The following FBXW7 variants were observed in gnomAD, a reference collection of about 807,000 sequenced individuals.
FBXW7 encodes the protein F-box and WD repeat domain containing 7, also known as F-box/WD repeat-containing protein 7.
In FBXW7, 11 loss-of-function variants were observed where a neutral mutation model predicts 86.3. The observed-to-expected ratio is 0.13, with a 90% confidence interval of 0.08 to 0.21. FBXW7 has a LOEUF of 0.21. Among genes scored for constraint, FBXW7 ranks in the 10% least tolerant of loss-of-function variants. The probability of loss-of-function intolerance (pLI) is 1.00; values close to 1 mark genes in which losing one functional copy is unlikely to be tolerated. For missense variants in FBXW7, 488 were observed against 847.4 expected (o/e 0.58, Z 5.27); for synonymous variants, 313 against 297.9 (o/e 1.05, Z -0.52).
intron 2 of FBXW7, among the ~76,000 whole-genome samples, chr4:152,499,351 G>C (rs569831903): frequency 2.0e-5 from 3 of 152,252 alleles, no homozygotes; most frequent in Admixed American, 2.0e-4. Flanking sequence ...TTGTGCCCTA[G>C]CTGCAAGGAA....
chr4:152,355,153 T>G (rs775448378), intron 4 of FBXW7, among the ~76,000 whole-genome samples: 12 of 152,142 alleles, frequency 7.9e-5, no homozygotes, highest in Non-Finnish European at 1.8e-4. Flanking sequence ...TGTGATCTAT[T>G]ATATTACTGT....
At chr4:152,471,249 T>C (rs962871879) in intron 2 of FBXW7, among the ~76,000 whole-genome samples, 1 of 151,744 alleles carries the variant, frequency 6.6e-6, no homozygotes, top group East Asian at 1.9e-4. Context: ...ATAAAGCTTA[T>C]ATAGTGACAA....
At chr4:152,431,320 G>A (rs1739871421) in intron 2 of FBXW7, among the ~76,000 whole-genome samples, 1 of 151,970 alleles carries the variant, frequency 6.6e-6, no homozygotes, top group Non-Finnish European at 1.5e-5. Flanking sequence ...AAGGTAGAAT[G>A]AGAGGTCCTA....
rs999913320 is a variant in FBXW7 at position 152,330,753 on chromosome 4, T to C, written c.1101A>G (p.Arg367=). Residue 367 remains arginine, a synonymous_variant, in exon 9 of 14, where the codon CGA becomes CGG. Coordinates refer to ENST00000281708, the MANE Select transcript of FBXW7 (RefSeq NM_001349798.2). The stretch of plus-strand genomic sequence containing the variant: ...TTACCTTAGGAGATTTGAGTTCTCC[T>C]CGCCTCCAGTTAGTATCAATTCTGT... The part of the protein sequence containing the change: ...RQHRIDTNWR[R]GELKSPKVLK... The C allele has an allele frequency of 1.2e-6, 2 of 1,612,210 alleles. No individual in the cohort carries two copies. The highest frequency in any genetic ancestry group is 1.7e-5 in the Admixed American group (1 of 59,910).
At position 152,535,835 on chromosome 4, in the gene FBXW7, T is replaced by C. The variant is rs868844150; in HGVS notation, c.-921A>G. ...CCGGCTCAGGCTCGGGCTCCGGCTC[T>C]GGCTCCGGCTCCGGCGTGTGCAGCC... On this transcript the variant is annotated 5_prime_UTR_variant, in exon 1 of 14. Coordinates refer to ENST00000281708, the MANE Select transcript of FBXW7 (RefSeq NM_001349798.2). The C allele has an allele frequency of 2.3e-5, 9 of 386,526 alleles. No individual in the cohort carries two copies. Among genetic ancestry groups the C allele is most frequent in the Admixed American group, 1.4e-4 (3 of 22,086 alleles). 23.9% of individuals were successfully genotyped at this position (386,526 alleles called of 1,614,324 possible).
chr4:152,434,962 C>G (rs996130987), intron 2 of FBXW7, among the ~76,000 whole-genome samples: 1 of 150,954 alleles, frequency 6.6e-6, no homozygotes, highest in Admixed American at 6.6e-5. Context: ...CCCCGCTCCC[C>G]CCCCCCCACA....
chr4:152,506,625 A>G (rs1747451145), intron 2 of FBXW7, among the ~76,000 whole-genome samples: 1 of 152,242 alleles, frequency 6.6e-6, no homozygotes, highest in Admixed American at 6.5e-5. Flanking sequence ...AGAGTTAGGT[A>G]AACAGGTAAT....
chr4:152,376,712 T>C (rs1734557027), intron 4 of FBXW7, among the ~76,000 whole-genome samples: 1 of 152,084 alleles, frequency 6.6e-6, no homozygotes, highest in African/African-American at 2.4e-5. Flanking sequence ...TTGGTCATAA[T>C]TGTCAAAAGT....
intron 13 of FBXW7, 39 bp downstream of exon 13, chr4:152,324,145 C>T (rs369287184): frequency 1.1e-5 from 17 of 1,504,846 alleles, no homozygotes; most frequent in Non-Finnish European, 1.5e-5. Context: ...ATAATGATCT[C>T]ATTTTTAATG....
At chr4:152,386,024 C>G (rs1735497458) in intron 4 of FBXW7, among the ~76,000 whole-genome samples, 1 of 151,942 alleles carries the variant, frequency 6.6e-6, no homozygotes, top group African/African-American at 2.4e-5. Context: ...TAGACAAAAA[C>G]CCTAATAAAT....
At chr4:152,396,090 G>A (rs1385970568) in intron 4 of FBXW7, among the ~76,000 whole-genome samples, 1 of 151,716 alleles carries the variant, frequency 6.6e-6, no homozygotes, top group Middle Eastern at 3.2e-3. Context: ...TGGTCCAGAG[G>A]GTTTTCTGCT....
At chr4:152,352,996 A>T (rs186441107) in intron 4 of FBXW7, 1 of 1,260,288 alleles carries the variant, frequency 7.9e-7, no homozygotes, top group East Asian at 3.0e-5. Context: ...TGTGGGCAGC[A>T]GAGACCGCCC....
At chr4:152,424,200 T>C (rs1018007119) in intron 2 of FBXW7, among the ~76,000 whole-genome samples, 4 of 152,088 alleles carry the variant, frequency 2.6e-5, no homozygotes, top group Non-Finnish European at 5.9e-5. Flanking sequence ...TACATTGGGA[T>C]TCGGCAGTAG....
intron 2 of FBXW7, among the ~76,000 whole-genome samples, chr4:152,530,069 ATACACACACAC>A (rs1749880470): frequency 8.5e-6 from 1 of 118,198 alleles, no homozygotes; most frequent in African/African-American, 3.6e-5. Flanking sequence ...AAAAAAAAAA[ATACACACACAC>A]ACACACACAC....
intron 2 of FBXW7, among the ~76,000 whole-genome samples, chr4:152,516,128 A>C (rs1466831371): frequency 6.6e-6 from 1 of 152,226 alleles, no homozygotes; most frequent in African/African-American, 2.4e-5. Flanking sequence ...AACCTGAGGA[A>C]AGACCCAGCT....
At chr4:152,333,085 T>C (rs1421175106) in intron 7 of FBXW7, among the ~76,000 whole-genome samples, 6 of 152,156 alleles carry the variant, frequency 3.9e-5, no homozygotes, top group South Asian at 2.1e-4. Context: ...TCACTGAAGA[T>C]AGGACCTAAA....
At chr4:152,506,397 T>C (rs1302606784) in intron 2 of FBXW7, among the ~76,000 whole-genome samples, 1 of 152,182 alleles carries the variant, frequency 6.6e-6, no homozygotes, top group Non-Finnish European at 1.5e-5. Context: ...TCCCAAAGTG[T>C]TGGGATTATA....
At chr4:152,525,735 C>T (rs1025230757) in intron 2 of FBXW7, among the ~76,000 whole-genome samples, 2 of 152,088 alleles carry the variant, frequency 1.3e-5, no homozygotes, top group African/African-American at 4.8e-5. Flanking sequence ...CACATCTTTG[C>T]TATTGTGATT....
At chr4:152,439,688 C>T (rs1476120258) in intron 2 of FBXW7, among the ~76,000 whole-genome samples, 1 of 151,954 alleles carries the variant, frequency 6.6e-6, no homozygotes, top group Non-Finnish European at 1.5e-5. Context: ...CCCAGTGAAA[C>T]CCCGTCTCTA....
Sources: gnomAD v4.1 joint callset for allele counts (sites outside exome capture counted in the v4.1 genomes callset) on GRCh38, gnomAD v4.1.1 for gene constraint, MANE v1.5 for transcripts, NCBI Gene and HGNC (gene_info 2026-07-23, HGNC 2026-07-21) for gene names.